The following ABCB10 variants were observed in gnomAD, a reference collection of about 807,000 sequenced individuals.
ABCB10 encodes ATP-binding cassette sub-family B member 10, mitochondrial.
A neutral mutation model predicts 65.4 loss-of-function variants in ABCB10; 54 were observed. The ratio of observed to expected loss-of-function variants is 0.83; its 90% CI spans 0.66 to 1.04. ABCB10 has a LOEUF of 1.04. Among genes scored for constraint, ABCB10 ranks in the 50% least tolerant of loss-of-function variants. The probability of loss-of-function intolerance (pLI) is 0.00; values close to 1 mark genes in which losing one functional copy is unlikely to be tolerated. For missense variants in ABCB10, 846 were observed against 976.6 expected, an observed-to-expected ratio of 0.87 and a Z score of 1.78; for synonymous variants, 418 against 406.5, an observed-to-expected ratio of 1.03 and a Z score of -0.34.
rs566141866 is a variant in ABCB10 at position 229,532,507 on chromosome 1, C to T, written c.1340-776G>A. 4.6e-5 allele frequency among the ~76,000 whole-genome samples: 7 copies of T among 151,998 alleles called. No individual in the cohort carries two copies. In the East Asian group the frequency reaches 9.7e-4, roughly 21 times the overall value. ...CCACTCAATAAATACAACTTTGATA[C>T]GCTACTCACATACTCCCATATACTT... is the stretch of plus-strand genomic sequence containing the variant. On this transcript the variant is annotated intron_variant, in intron 6 of 12. Coordinates refer to ENST00000344517, the MANE Select transcript of ABCB10 (RefSeq NM_012089.3).
chr1:229,549,215 T>A lies in ABCB10; in HGVS notation c.718+19A>T, dbSNP rs3738188. On this transcript the variant is annotated intron_variant, in intron 2 of 12. Coordinates refer to ENST00000344517, the MANE Select transcript of ABCB10 (RefSeq NM_012089.3). ...TCTTCTTCAGGATGACTCACATCCC[T>A]GAGAGGAGAGACTGTTACCTGAAGT... The A allele has an allele frequency of 6.2e-7, 1 of 1,613,622 alleles. No homozygotes were observed. The highest frequency in any genetic ancestry group is 2.2e-5 in the East Asian group (1 of 44,854).
At position 229,549,443 on chromosome 1, in the gene ABCB10, C is replaced by A. The variant is rs201395485; in HGVS notation, c.518-9G>T. 5 of 1,611,188 alleles carry A rather than the reference C, an allele frequency of 3.1e-6. No individual in the cohort carries two copies. The highest frequency in any genetic ancestry group is 4.2e-6 in the Non-Finnish European group (5 of 1,178,438). On this transcript the variant is annotated splice_polypyrimidine_tract_variant and intron_variant, in intron 1 of 12. Coordinates refer to ENST00000344517, the MANE Select transcript of ABCB10 (RefSeq NM_012089.3). ...GAGAAATCCAACCGCAGCTAGAAAA[C>A]ACAAGCACTCTCAATGTTCAGGTTG...
chr1:229,557,113 G>C (rs956627256), intron 1 of ABCB10, among the ~76,000 whole-genome samples: 5 of 152,152 alleles, frequency 3.3e-5, no homozygotes, highest in Non-Finnish European at 2.9e-5. Context: ...CACCCTAACT[G>C]CTCTCCTCCA....
chr1:229,556,810 C>T (rs956231503), intron 1 of ABCB10, among the ~76,000 whole-genome samples: 1 of 152,206 alleles, frequency 6.6e-6, no homozygotes, highest in Non-Finnish European at 1.5e-5. Context: ...CACTCTGTGC[C>T]TGGTGGTATG....
chr1:229,558,093 A>G, intron 1 of ABCB10, 43 bp downstream of exon 1: 1 of 1,310,678 alleles, frequency 7.6e-7, no homozygotes, highest in Non-Finnish European at 9.7e-7. Flanking sequence ...GCGTGTGGAG[A>G]AGGAGAGGCC....
At position 229,517,238 on chromosome 1, in the gene ABCB10, T is replaced by G. The variant is rs1405335451; in HGVS notation, c.*941A>C. On this transcript the variant is annotated 3_prime_UTR_variant, in exon 13 of 13. Coordinates refer to ENST00000344517, the MANE Select transcript of ABCB10 (RefSeq NM_012089.3). Reference sequence around the variant, plus strand: ...GTTGAATAGCAAGGACTTCCAAACTTAAATGTCTTAAGGCTGAAAATTAGT... The same window carrying G: ...GTTGAATAGCAAGGACTTCCAAACTGAAATGTCTTAAGGCTGAAAATTAGT... 1 of 152,204 alleles carries G rather than the reference T, an allele frequency of 6.6e-6. No individual in the cohort carries two copies. Among genetic ancestry groups the G allele is most frequent in the East Asian group, 1.9e-4 (1 of 5,208 alleles). 9.4% of individuals were successfully genotyped at this position (152,204 alleles called of 1,614,324 possible).
intron 10 of ABCB10, among the ~76,000 whole-genome samples, chr1:229,523,977 TTA>T (rs149070231): frequency 1.9e-4 from 29 of 149,616 alleles, no homozygotes; most frequent in Non-Finnish European, 2.2e-4. Flanking sequence ...CATCTACTGC[TTA>T]TATATATATA....
chr1:229,523,732 G>A (rs1156643140), intron 10 of ABCB10, among the ~76,000 whole-genome samples: 1 of 152,170 alleles, frequency 6.6e-6, no homozygotes, highest in African/African-American at 2.4e-5. Context: ...GCTGAGAAAC[G>A]GAACTGGAGG....
chr1:229,521,745 T>C (rs1353948930), intron 10 of ABCB10, 110 bp from the exon 11 acceptor site: 12 of 1,087,032 alleles, frequency 1.1e-5, no homozygotes, highest in South Asian at 2.8e-5. Context: ...TAGTTAGTCA[T>C]AGCTGACACA....
chr1:229,558,616 C>G lies in ABCB10; in HGVS notation c.37G>C (p.Glu13Gln). ...CCTGGCTCGGCAGGGCTCGGTGGCT[C>G]GAGCAGCCGCAGCGGCCAGGCAGGG... ...GPPAWPLRLL[E>Q]PPSPAEPGRL... The change falls in exon 1 of 13, where the codon GAG becomes CAG. Residue 13 changes from glutamate to glutamine, a missense_variant. By Grantham distance (29) the Glu-to-Gln change is conservative. This residue lies in a region of ABCB10 where 214 missense variants were observed against 173.5 expected (regional missense o/e 1.23). Transcript: ENST00000344517. 7.1e-7 allele frequency: 1 copy of G among 1,417,438 alleles called. No homozygotes were observed. The allele number at this position is 1,417,438 out of a possible 1,614,324, so 87.8% of individuals were successfully genotyped here. A position where few individuals can be genotyped will look rare whatever the true frequency, so the allele number is the denominator to read the frequency against.
chr1:229,530,396 A>C lies in ABCB10; in HGVS notation c.1448T>G (p.Leu483Ter). 1 of 1,614,172 alleles carries C rather than the reference A, an allele frequency of 6.2e-7. No individual in the cohort carries two copies. The highest frequency in any genetic ancestry group is 8.5e-7 in the Non-Finnish European group (1 of 1,180,026). ...AGCACCCTGGAAGCTTTTCTCATTT[A>C]AGATGACCCCCTCTGAAACATAAAA... The part of the protein sequence containing the change: ...PKLPFNEGVI[L>*]NEKSFQGALE... The change falls in exon 8 of 13, where the codon TTA becomes TGA. Residue 483 changes from leucine (L) to a stop codon, truncating the protein, a stop_gained. Transcript: ENST00000344517. LOFTEE classifies it high-confidence loss of function.
chr1:229,558,405 A>C lies in ABCB10; in HGVS notation c.248T>G (p.Val83Gly), dbSNP rs779088507. 5,124 of 1,204,698 alleles carry C rather than the reference A, an allele frequency of 4.3e-3. 181 individuals carry two copies. In the African/African-American group the frequency reaches 0.075, roughly 18 times the overall value. The allele number at this position is 1,204,698 out of a possible 1,614,324, so 74.6% of individuals were successfully genotyped here. Residue 83 changes from valine to glycine, a missense_variant, in exon 1 of 13, where the codon GTC becomes GGC. This residue lies in a region of ABCB10 where 214 missense variants were observed against 173.5 expected (regional missense o/e 1.23). Coordinates refer to ENST00000344517, the MANE Select transcript of ABCB10 (RefSeq NM_012089.3). ...RGGGPGASRG[V>G]LGLARLLGLW... ...CCCCAGGAGCCGCGCGAGGCCCAGG[A>C]CGCCCCGCGAGGCGCCCGGACCCCC...
rs1289213846 is a variant in ABCB10 at position 229,545,915 on chromosome 1, C to T, written c.921+1584G>A. Reference sequence around the variant, plus strand: ...AGCCGGGCGCAGTGGCTCACGCCAGCAATCCCAACACTTTGGGAGGCTGAG... The same window carrying T: ...AGCCGGGCGCAGTGGCTCACGCCAGTAATCCCAACACTTTGGGAGGCTGAG... On this transcript the variant is annotated intron_variant, in intron 3 of 12. Transcript: ENST00000344517. Among the ~76,000 whole-genome samples the T allele has an allele frequency of 2.0e-5, 3 of 152,182 alleles. No individual in the cohort carries two copies. The East Asian group carries it at 5.8e-4, about 29-fold the overall frequency.
chr1:229,540,791 C>G (rs759996803), intron 4 of ABCB10, 39 bp from the exon 5 acceptor site: 1 of 1,583,260 alleles, frequency 6.3e-7, no homozygotes. Flanking sequence ...GGAGAAGGGT[C>G]ATATTTCAAG....
Position 229,558,329 on chromosome 1 carries a change from T to C in ABCB10, c.324A>G (p.Pro108=), listed in dbSNP as rs1459798377. Residue 108 remains proline (P), a synonymous_variant, in exon 1 of 13, where the codon CCA becomes CCG. Transcript: ENST00000344517. ...GSCRCGAFAG[P]GAPRLPRARF... is the part of the protein sequence containing the mutation. ...GGGCGCGCGGGAGCCGAGGAGCGCC[T>C]GGCCCGGCAAAAGCCCCGCACCTGC... 3 of 1,253,360 alleles carry C rather than the reference T, an allele frequency of 2.4e-6. No individual in the cohort carries two copies. The highest frequency in any genetic ancestry group is 3.0e-6 in the Non-Finnish European group (3 of 990,384). 77.6% of individuals were successfully genotyped at this position (1,253,360 alleles called of 1,614,324 possible).
In ABCB10 at chr1:229,558,030, G is replaced by A. The variant is rs1231235778; in HGVS notation, c.517+106C>T. 10 of 1,181,960 alleles carry A rather than the reference G, an allele frequency of 8.5e-6. No individual in the cohort carries two copies. The African/African-American group carries it at 1.3e-4, about 15-fold the overall frequency. The allele number at this position is 1,181,960 out of a possible 1,614,324, so 73.2% of individuals were successfully genotyped here. A position where few individuals can be genotyped will look rare whatever the true frequency, so the allele number is the denominator to read the frequency against. On this transcript the variant is annotated intron_variant, in intron 1 of 12. Transcript: ENST00000344517. ...TTAGGAGTGGCCCAGGAGAGGCGGC[G>A]GTGACACGCGCTCTGCGGCCCGGCC...
intron 8 of ABCB10, among the ~76,000 whole-genome samples, chr1:229,529,406 C>T (rs1406735148): frequency 4.1e-5 from 6 of 147,204 alleles, no homozygotes. Flanking sequence ...CACGGTGGCT[C>T]ACACCTGTAA....
At chr1:229,556,478 A>C (rs1004788959) in intron 1 of ABCB10, among the ~76,000 whole-genome samples, 5 of 152,220 alleles carry the variant, frequency 3.3e-5, no homozygotes, top group African/African-American at 9.6e-5. Context: ...GTTCAACACA[A>C]GTCTCAGCAA....
intron 1 of ABCB10, among the ~76,000 whole-genome samples, chr1:229,551,327 T>C (rs998082583): frequency 2.0e-5 from 3 of 152,196 alleles, no homozygotes; most frequent in Admixed American, 2.0e-4. Flanking sequence ...CCATTTGTGT[T>C]CTCGAAGCTC....
Sources: allele counts gnomAD v4.1 joint callset (sites outside exome capture counted in the v4.1 genomes callset), GRCh38; gene constraint gnomAD v4.1.1; regional missense constraint gnomAD v4.1.1; transcripts MANE v1.5; gene names NCBI Gene and HGNC (gene_info 2026-07-23, HGNC 2026-07-21).